Variants in ULK4 observed in about 807,000 individuals in gnomAD.
ULK4 encodes the protein inactive serine/threonine-protein kinase ULK4.
In ULK4, 133 loss-of-function variants were observed where a neutral mutation model predicts 160.6. The ratio of observed to expected loss-of-function variants is 0.83; its 90% CI spans 0.72 to 0.96. The LOEUF (loss-of-function observed/expected upper bound fraction) is 0.96. Among genes scored for constraint, ULK4 ranks in the 40% least tolerant of loss-of-function variants. The pLI is 0.00. For missense variants in ULK4, 1,580 were observed against 1,499.5 expected (o/e 1.05, Z -0.89); for synonymous variants, 534 against 539.8 (o/e 0.99, Z 0.15).
rs1553628714 is a variant in ULK4, at chr3:41,658,735, A to ACACACACACACACACACACTCTCT, written c.3071+4871_3071+4872insAGAGAGTGTGTGTGTGTGTGTGTG. On this transcript the variant is annotated intron_variant, in intron 30 of 36. Transcript: ENST00000301831. The stretch of plus-strand genomic sequence containing the variant: ...TGTGTATGTGAAAAACAGTACACAC[A>ACACACACACACACACACACTCTCT]CACACACACACACACACACACACAT... 2.3e-5 allele frequency among the ~76,000 whole-genome samples: 3 copies of ACACACACACACACACACACTCTCT among 131,448 alleles called. No individual in the cohort carries two copies. The East Asian group carries it at 7.1e-4, about 31-fold the overall frequency. The allele number at this position is 131,448 out of a possible 152,430, so 86.2% of individuals were successfully genotyped here.
chr3:41,819,903 T>C (rs766293982), intron 18 of ULK4, among the ~76,000 whole-genome samples: 5 of 152,318 alleles, frequency 3.3e-5, no homozygotes, highest in Non-Finnish European at 7.3e-5. Flanking sequence ...AAACACAAGT[T>C]TGAGTAATAT....
chr3:41,353,040 G>A (rs900251355), intron 35 of ULK4, among the ~76,000 whole-genome samples: 1 of 152,182 alleles, frequency 6.6e-6, no homozygotes, highest in African/African-American at 2.4e-5. Context: ...TGCTTTCAAA[G>A]CCAGCTGTAT....
chr3:41,553,823 T>C (rs2087177962), intron 32 of ULK4, among the ~76,000 whole-genome samples: 1 of 152,224 alleles, frequency 6.6e-6, no homozygotes, highest in African/African-American at 2.4e-5. Context: ...CTTTGTGTTA[T>C]AAAAAATCGA....
chr3:41,262,161 G>C (rs1400741748), intron 35 of ULK4, among the ~76,000 whole-genome samples: 1 of 152,190 alleles, frequency 6.6e-6, no homozygotes, highest in Non-Finnish European at 1.5e-5. Flanking sequence ...GGGTGTGGCT[G>C]CAGGAGCACC....
chr3:41,575,472 G>A (rs1385775665), intron 31 of ULK4, among the ~76,000 whole-genome samples: 3 of 152,106 alleles, frequency 2.0e-5, no homozygotes, highest in African/African-American at 7.2e-5. Flanking sequence ...AAAAATGTAT[G>A]GTGCTCTCAC....
At chr3:41,780,157 C>CA (rs1020933129) in intron 21 of ULK4, among the ~76,000 whole-genome samples, 12 of 149,266 alleles carry the variant, frequency 8.0e-5, no homozygotes, top group Non-Finnish European at 1.5e-4. Context: ...ACCGAAAATA[C>CA]AAAAAAAAAG....
chr3:41,349,865 T>G (rs976326403), intron 35 of ULK4, among the ~76,000 whole-genome samples: 9 of 152,316 alleles, frequency 5.9e-5, no homozygotes, highest in Admixed American at 2.0e-4. Flanking sequence ...ATAAATAATT[T>G]TTCCCCTATA....
chr3:41,289,274 G>C (rs2079515603), intron 35 of ULK4, among the ~76,000 whole-genome samples: 1 of 152,034 alleles, frequency 6.6e-6, no homozygotes, highest in South Asian at 2.1e-4. Flanking sequence ...TTAAATTATA[G>C]CTATCACTTA....
rs573451570 is a variant in ULK4 at position 41,748,157 on chromosome 3, T to TAC, written c.2321+6203_2321+6204insGT. 2.5e-3 allele frequency among the ~76,000 whole-genome samples: 368 copies of TAC among 148,818 alleles called. 1 individual carries two copies. The highest frequency in any genetic ancestry group is 8.4e-3 in the African/African-American group (326 of 39,006). ...CATATATAGAGACTATATATATATA[T>TAC]ATACACACACACATACACACACCAT... On this transcript the variant is annotated intron_variant, in intron 22 of 36. Coordinates refer to ENST00000301831, the MANE Select transcript of ULK4 (RefSeq NM_017886.4).
At chr3:41,960,943 C>G (rs537102927) in intron 1 of ULK4, among the ~76,000 whole-genome samples, 1 of 152,238 alleles carries the variant, frequency 6.6e-6, no homozygotes, top group Non-Finnish European at 1.5e-5. Context: ...TCTCAATCAC[C>G]ACCCCTCCTG....
chr3:41,719,234 A>G (rs1445509532), intron 22 of ULK4, among the ~76,000 whole-genome samples: 1 of 152,170 alleles, frequency 6.6e-6, no homozygotes, highest in East Asian at 1.9e-4. Context: ...TAAATGCTGA[A>G]GTCTATCAAG....
chr3:41,703,115 A>C (rs1302689391), intron 27 of ULK4, among the ~76,000 whole-genome samples: 1 of 152,032 alleles, frequency 6.6e-6, no homozygotes, highest in Non-Finnish European at 1.5e-5. Flanking sequence ...CAGCCTCCCA[A>C]AGTGCTGGGA....
At chr3:41,944,188 A>C (rs1411829050) in intron 2 of ULK4, among the ~76,000 whole-genome samples, 1 of 152,248 alleles carries the variant, frequency 6.6e-6, no homozygotes. Flanking sequence ...AGCAACTGTG[A>C]AATGGCCTTG....
rs554378511 is a variant in ULK4, at chr3:41,446,363, A to C, written c.3492+9134T>G. On this transcript the variant is annotated intron_variant, in intron 34 of 36. Transcript: ENST00000301831. ...ACTAGAAATACCATTTGACCCAGCC[A>C]TCCCTTTACTGGGTATATACCCAAA... is the stretch of plus-strand genomic sequence containing the variant. Among the ~76,000 whole-genome samples, 18 of 152,238 alleles carry C rather than the reference A, an allele frequency of 1.2e-4. No individual in the cohort carries two copies. In the East Asian group the frequency reaches 2.5e-3, roughly 21 times the overall value.
At chr3:41,487,049 C>T (rs898373339) in intron 32 of ULK4, among the ~76,000 whole-genome samples, 2 of 152,166 alleles carry the variant, frequency 1.3e-5, no homozygotes, top group Non-Finnish European at 2.9e-5. Context: ...CTAATCAGTA[C>T]GTAGTTTCCT....
intron 34 of ULK4, among the ~76,000 whole-genome samples, chr3:41,412,361 T>G (rs1299496695): frequency 8.6e-5 from 13 of 151,542 alleles, no homozygotes; most frequent in Admixed American, 8.5e-4. Context: ...CAAATTACTT[T>G]GTAGATTCAA....
intron 36 of ULK4, 59 bp from the exon 37 acceptor site, chr3:41,247,051 C>T: frequency 1.9e-6 from 3 of 1,551,162 alleles, no homozygotes; most frequent in South Asian, 2.3e-5. Context: ...AAGTGCTCCC[C>T]CCTTTCAAAG....
intron 35 of ULK4, among the ~76,000 whole-genome samples, chr3:41,369,669 C>T (rs2081323031): frequency 6.6e-6 from 1 of 151,654 alleles, no homozygotes; most frequent in African/African-American, 2.4e-5. Context: ...TGGTGGCCGC[C>T]TGTAATGCTA....
chr3:41,819,488 G>T lies in ULK4; in HGVS notation c.1783C>A (p.Pro595Thr), dbSNP rs751629337. 13 of 1,607,858 alleles carry T rather than the reference G, an allele frequency of 8.1e-6. No individual in the cohort carries two copies. The East Asian group carries it at 2.5e-4, about 30-fold the overall frequency. Residue 595 changes from proline (P) to threonine (T), a missense_variant, in exon 19 of 37, where the codon CCT becomes ACT. Physicochemically the swap from Pro to Thr is conservative, Grantham distance 38. Coordinates refer to ENST00000301831, the MANE Select transcript of ULK4 (RefSeq NM_017886.4). ...AAGGGAACAGCCCAGCACTCTCTAG[G>T]GTTCTTTTTTTTTTCTTCCTAAAAT... is the stretch of plus-strand genomic sequence containing the variant. Reference protein sequence around the residue: ...VATQEEKKKNPRECWAVPLAA... With the variant: ...VATQEEKKKNTRECWAVPLAA...
Sources: gnomAD v4.1 joint callset for allele counts (sites outside exome capture counted in the v4.1 genomes callset) on GRCh38, gnomAD v4.1.1 for gene constraint, MANE v1.5 for transcripts, NCBI Gene and HGNC (gene_info 2026-07-23, HGNC 2026-07-21) for gene names.